DCHS2: variants seen among roughly 807,000 people sequenced by gnomAD.
The protein encoded by DCHS2 is protocadherin-23.
Under a neutral mutation model 182.4 loss-of-function variants are expected in DCHS2, and 142 were observed. The ratio of observed to expected loss-of-function variants is 0.78; its 90% CI spans 0.68 to 0.89. DCHS2 has a LOEUF of 0.89. Ranked by LOEUF, DCHS2 falls within the 40% of genes least tolerant of loss-of-function variation. The probability of loss-of-function intolerance (pLI) is 0.00; values close to 1 mark genes in which losing one functional copy is unlikely to be tolerated. For synonymous variants in DCHS2, 1,740 were observed against 1,663.3 expected, an observed-to-expected ratio of 1.05 and a Z score of -1.12; for missense variants, 4,319 against 4,198.6, an observed-to-expected ratio of 1.03 and a Z score of -0.79.
intron 3 of DCHS2, among the ~76,000 whole-genome samples, chr4:154,363,349 T>C (rs1730209908): frequency 6.6e-6 from 1 of 152,214 alleles, no homozygotes; most frequent in Admixed American, 6.5e-5. Context: ...AATGAAAATG[T>C]AGTATATATA....
rs181829983 is a variant in DCHS2, at chr4:154,406,440, A to G, written c.2053-28996T>C. 3.7e-3 allele frequency among the ~76,000 whole-genome samples: 556 copies of G among 152,318 alleles called. 3 individuals carry two copies. The highest frequency in any genetic ancestry group is 5.7e-3 in the Non-Finnish European group (387 of 68,030). ...CAAGAATCCCAGTCCTGCTCTGCCT[A>G]TTGTCCAACACCTGAAAACATCTGT... On this transcript the variant is annotated intron_variant, in intron 1 of 19. Coordinates refer to ENST00000357232, the MANE Select transcript of DCHS2 (RefSeq NM_001358235.2).
chr4:154,384,430 G>C (rs1275439570), intron 1 of DCHS2: 4 of 1,612,012 alleles, frequency 2.5e-6, no homozygotes, highest in Non-Finnish European at 3.4e-6. Context: ...GCACCCCAGA[G>C]CTCAGTCTCG....
intron 14 of DCHS2, among the ~76,000 whole-genome samples, chr4:154,267,936 A>G (rs1733363100): frequency 6.6e-6 from 1 of 152,158 alleles, no homozygotes; most frequent in African/African-American, 2.4e-5. Context: ...TGAAGCCTTC[A>G]TAGAGGGCTC....
Position 154,298,052 on chromosome 4 carries a change from T to C in DCHS2, c.6262A>G (p.Lys2088Glu). ...TGAAATTGAATTTCTCCTGTGTATT[T>C]ATCAATAGAAAACATTGACTGGGTC... ...AETQSMFSIDKYTGEIQFQQN... is the reference protein window; with the variant it reads ...AETQSMFSIDEYTGEIQFQQN... Residue 2088 changes from lysine to glutamate, a missense_variant, in exon 13 of 20, where the codon AAA becomes GAA. By Grantham distance (56) the Lys-to-Glu change is moderately conservative (BLOSUM62 1). Transcript: ENST00000357232. 6.2e-7 allele frequency: 1 copy of C among 1,614,124 alleles called. No homozygotes were observed. Among genetic ancestry groups the C allele is most frequent in the South Asian group, 1.1e-5 (1 of 91,086 alleles).
chr4:154,285,297 A>G (rs1734342482), intron 13 of DCHS2, among the ~76,000 whole-genome samples: 1 of 152,082 alleles, frequency 6.6e-6, no homozygotes, highest in African/African-American at 2.4e-5. Context: ...GACCCAGCAT[A>G]TTCCCAGATG....
chr4:154,491,303 G>C lies in DCHS2; in HGVS notation c.53C>G (p.Pro18Arg). Residue 18 changes from proline to arginine, a missense_variant, in exon 1 of 20, where the codon CCG (proline) becomes CGG (arginine). Transcript: ENST00000357232. ...MGEGRQQRRA[P>R]VGKLLLLPGR... is the part of the protein sequence containing the mutation. Reference sequence around the variant, plus strand: ...GGGGAGCAGAAGGAGCTTCCCGACCGGAGCCCGCCGCTGCTGACGCCCTTC... The same window carrying C: ...GGGGAGCAGAAGGAGCTTCCCGACCCGAGCCCGCCGCTGCTGACGCCCTTC... 1 of 1,547,834 alleles carries C rather than the reference G, an allele frequency of 6.5e-7. No homozygotes were observed.
chr4:154,489,349 A>G lies in DCHS2; in HGVS notation c.2007T>C (p.Asn669=). 2 of 1,546,466 alleles carry G rather than the reference A, an allele frequency of 1.3e-6. No homozygotes were observed. Among genetic ancestry groups the G allele is most frequent in the Non-Finnish European group, 8.7e-7 (1 of 1,143,212 alleles). The change falls in exon 1 of 20, where the codon AAT becomes AAC. Residue 669 remains asparagine (N), a synonymous_variant. Transcript: ENST00000357232. ...NEPIFWRQVY[N]ATIAEHAPVG... ...CCGGGGCATGCTCTGCAATGGTGGC[A>G]TTGTACACCTGCCTCCAGAAGATGG...
chr4:154,490,305 C>T lies in DCHS2; in HGVS notation c.1051G>A (p.Gly351Ser). 6.5e-7 allele frequency: 1 copy of T among 1,546,284 alleles called. No homozygotes were observed. The highest frequency in any genetic ancestry group is 8.7e-7 in the Non-Finnish European group (1 of 1,146,520). ...TCCACCGCGAAGTAGGCCGCGTCGCCCAGTGCCCCGCCGCCGCTACCCGCC... is the reference window on the plus strand; with the variant it reads ...TCCACCGCGAAGTAGGCCGCGTCGCTCAGTGCCCCGCCGCCGCTACCCGCC... ...PGAGSGGGAL[G>S]DAAYFAVEEL... The change falls in exon 1 of 20, where the codon GGC becomes AGC. Residue 351 changes from glycine (G) to serine (S), a missense_variant. Transcript: ENST00000357232.
chr4:154,481,002 A>G (rs1215704315), intron 1 of DCHS2, among the ~76,000 whole-genome samples: 1 of 152,184 alleles, frequency 6.6e-6, no homozygotes, highest in Non-Finnish European at 1.5e-5. Context: ...ACTTTTAAGG[A>G]AAGATTTGTG....
At chr4:154,393,094 A>G (rs1168142035) in intron 1 of DCHS2, among the ~76,000 whole-genome samples, 1 of 152,210 alleles carries the variant, frequency 6.6e-6, no homozygotes, top group Non-Finnish European at 1.5e-5. Flanking sequence ...GTAGATGGAT[A>G]ATAAAATACA....
chr4:154,441,388 ATGT>A (rs1324750187), intron 1 of DCHS2, among the ~76,000 whole-genome samples: 3 of 152,166 alleles, frequency 2.0e-5, no homozygotes, highest in Non-Finnish European at 4.4e-5. Context: ...ACAGTAAATA[ATGT>A]TCTTTTTCCC....
chr4:154,310,308 A>G (rs956205128), intron 10 of DCHS2, among the ~76,000 whole-genome samples: 26 of 152,342 alleles, frequency 1.7e-4, no homozygotes, highest in African/African-American at 6.0e-4. Context: ...AATAGACAAT[A>G]TTGATACTGT....
At position 154,328,122 on chromosome 4, in the gene DCHS2, T is replaced by C; in HGVS notation, c.3989A>G (p.Asn1330Ser). The stretch of plus-strand genomic sequence containing the variant: ...AGATACTGAGTATGTAACTTCTGCA[T>C]TATTTCCTTCATCAGGATCCTTTGC... ...VFAKDPDEGN[N>S]AEVTYSVSSE... Residue 1330 changes from asparagine to serine, a missense_variant, in exon 7 of 20, where the codon AAT (asparagine) becomes AGT (serine). Coordinates refer to ENST00000357232, the MANE Select transcript of DCHS2 (RefSeq NM_001358235.2). The C allele has an allele frequency of 6.2e-7, 1 of 1,608,662 alleles. No homozygotes were observed. The highest frequency in any genetic ancestry group is 8.5e-7 in the Non-Finnish European group (1 of 1,177,536).
At chr4:154,327,459 T>C (rs959148613) in intron 7 of DCHS2, among the ~76,000 whole-genome samples, 1 of 152,204 alleles carries the variant, frequency 6.6e-6, no homozygotes, top group African/African-American at 2.4e-5. Context: ...AAACTATCTG[T>C]GGGAAAGGGC....
intron 1 of DCHS2, among the ~76,000 whole-genome samples, chr4:154,414,624 A>T (rs1732762044): frequency 6.6e-6 from 1 of 151,736 alleles, no homozygotes; most frequent in Non-Finnish European, 1.5e-5. Context: ...ACTAACTGTC[A>T]CTGGACTGCT....
rs3811735 is a variant in DCHS2 at position 154,242,621 on chromosome 4, A to G, written c.7072+21T>C. 2.2e-4 allele frequency: 355 copies of G among 1,605,412 alleles called. 4 individuals are homozygous for G. In the East Asian group the frequency reaches 7.2e-3, roughly 33 times the overall value. On this transcript the variant is annotated intron_variant, in intron 17 of 19. Coordinates refer to ENST00000357232, the MANE Select transcript of DCHS2 (RefSeq NM_001358235.2). Reference sequence around the variant, plus strand: ...ATTATACAAGTTAATCAAAACCACTATGCCAAATTGTCACACTTACCTTCT... The same window carrying G: ...ATTATACAAGTTAATCAAAACCACTGTGCCAAATTGTCACACTTACCTTCT...
chr4:154,410,199 A>G (rs28590354), intron 1 of DCHS2, among the ~76,000 whole-genome samples: 98,109 of 151,674 alleles, frequency 0.65, 32,232 homozygotes, highest in East Asian at 0.98. Flanking sequence ...GCCTGAAAAA[A>G]AATTTAAAAT....
In DCHS2 at chr4:154,298,172, A is replaced by G. The variant is rs1318727468; in HGVS notation, c.6142T>C (p.Ser2048Pro). ...LEQNPFDVFL[S>P]PESPTNQTTV... ...GTCTGGTTTGTAGGCGACTCGGGGG[A>G]AAGAAACACATCAAAAGGGTTCTGT... The change falls in exon 13 of 20, where the codon TCC becomes CCC. Residue 2048 changes from serine (S) to proline (P), a missense_variant. Physicochemically the swap from Ser to Pro is moderately conservative, Grantham distance 74. Coordinates refer to ENST00000357232, the MANE Select transcript of DCHS2 (RefSeq NM_001358235.2). 1 of 1,614,094 alleles carries G rather than the reference A, an allele frequency of 6.2e-7. No individual in the cohort carries two copies. Among genetic ancestry groups the G allele is most frequent in the Non-Finnish European group, 8.5e-7 (1 of 1,180,008 alleles).
rs1311345782 is a variant in DCHS2, at chr4:154,490,888, G to C, written c.468C>G (p.Arg156=). The C allele has an allele frequency of 3.2e-6, 5 of 1,551,414 alleles. No individual in the cohort carries two copies. In the South Asian group the frequency reaches 5.9e-5, roughly 18 times the overall value. Residue 156 remains arginine (R), a synonymous_variant, in exon 1 of 20, where the codon CGC becomes CGG. Transcript: ENST00000357232. The part of the protein sequence containing the change: ...LLGAVVQVEI[R]VNDVNDHSPR... ...GCGAGTGGTCATTCACGTCGTTGAC[G>C]CGAATCTCCACCTGCACCACAGCGC... is the stretch of plus-strand genomic sequence containing the variant.
Sources: allele counts gnomAD v4.1 joint callset (sites outside exome capture counted in the v4.1 genomes callset), GRCh38; gene constraint gnomAD v4.1.1; transcripts MANE v1.5; gene names NCBI Gene and HGNC (gene_info 2026-07-23, HGNC 2026-07-21).